The following TEX36 variants were observed in gnomAD, a reference collection of about 807,000 sequenced individuals.
TEX36 encodes the protein testis expressed 36.
A neutral mutation model predicts 13.6 loss-of-function variants in TEX36; 12 were observed. That is an observed-to-expected ratio of 0.88 (90% CI 0.56 to 1.43). TEX36 has a LOEUF of 1.43. Ranked by LOEUF, TEX36 falls within the 40% of genes most tolerant of loss-of-function variation. The pLI, the probability that TEX36 is intolerant of heterozygous loss-of-function variation, is 0.00. For synonymous variants in TEX36, 93 were observed against 83.0 expected (o/e 1.12, Z -0.65); for missense variants, 224 against 228.3 (o/e 0.98, Z 0.12).
chr10:125,650,463 C>T (rs1220556766), intron 3 of TEX36, among the ~76,000 whole-genome samples: 1 of 152,164 alleles, frequency 6.6e-6, no homozygotes, highest in Non-Finnish European at 1.5e-5. Flanking sequence ...AACAAAGACA[C>T]ATCATACCAG....
chr10:125,623,621 C>A (rs1846452362), intron 3 of TEX36, among the ~76,000 whole-genome samples: 2 of 150,960 alleles, frequency 1.3e-5, no homozygotes, highest in South Asian at 2.1e-4. Context: ...CCTGATCAAC[C>A]AAACCCTGCA....
In TEX36 at chr10:125,656,055, C is replaced by T; in HGVS notation, c.406G>A (p.Val136Met). ...QISYVYKEAM[V>M]VSSFRRFPRC... ...GGAAAGCGTCTGAAGCTTGAGACCA[C>T]CATGGCTTCTTTATATACGTATGAT... is the stretch of plus-strand genomic sequence containing the variant. The change falls in exon 4 of 4, where the codon GTG (valine) becomes ATG (methionine). Residue 136 changes from valine to methionine, a missense_variant. Transcript: ENST00000368821. 1 of 1,551,886 alleles carries T rather than the reference C, an allele frequency of 6.4e-7. No homozygotes were observed. Among genetic ancestry groups the T allele is most frequent in the Non-Finnish European group, 8.7e-7 (1 of 1,147,062 alleles).
At chr10:125,594,441 T>C (rs900189111) in intron 3 of TEX36, among the ~76,000 whole-genome samples, 2 of 152,206 alleles carry the variant, frequency 1.3e-5, no homozygotes, top group East Asian at 1.9e-4. Context: ...AGCTCTCATA[T>C]ACTCAGCAAC....
intron 3 of TEX36, among the ~76,000 whole-genome samples, chr10:125,583,264 G>A (rs764586737): frequency 2.0e-5 from 3 of 151,810 alleles, no homozygotes; most frequent in African/African-American, 4.8e-5. Flanking sequence ...CAAAATCCCC[G>A]AGACTGGGTA....
At chr10:125,631,455 C>T (rs796575885) in intron 3 of TEX36, among the ~76,000 whole-genome samples, 1 of 152,024 alleles carries the variant, frequency 6.6e-6, no homozygotes, top group African/African-American at 2.4e-5. Context: ...GTGTCATCGC[C>T]GGAATGAGAG....
intron 3 of TEX36, among the ~76,000 whole-genome samples, chr10:125,631,531 G>A (rs1846554334): frequency 6.6e-6 from 1 of 152,208 alleles, no homozygotes; most frequent in Non-Finnish European, 1.5e-5. Flanking sequence ...GCCAGAGGAG[G>A]ATGCAACTCA....
At chr10:125,616,101 T>A (rs994359627) in intron 3 of TEX36, among the ~76,000 whole-genome samples, 1 of 152,206 alleles carries the variant, frequency 6.6e-6, no homozygotes, top group East Asian at 1.9e-4. Context: ...CTGATGGTAG[T>A]TTGTATTTCT....
At chr10:125,623,612 C>G (rs1846452209) in intron 3 of TEX36, among the ~76,000 whole-genome samples, 1 of 151,630 alleles carries the variant, frequency 6.6e-6, no homozygotes, top group Admixed American at 6.6e-5. Context: ...CTGTTAGTCC[C>G]TGATCAACCA....
intron 3 of TEX36, among the ~76,000 whole-genome samples, chr10:125,605,621 A>C (rs760228362): frequency 6.8e-6 from 1 of 146,704 alleles, no homozygotes; most frequent in Non-Finnish European, 1.5e-5. Flanking sequence ...TTTATTTTTG[A>C]GATGGAGTCT....
At chr10:125,654,694 A>C (rs1846913045), downstream of TEX36, among the ~76,000 whole-genome samples, 1 of 152,244 alleles carries the variant, frequency 6.6e-6, no homozygotes, top group Non-Finnish European at 1.5e-5. Flanking sequence ...ACTCAACTTC[A>C]CTAATAAATA....
At chr10:125,676,246 C>T (rs1601017) in intron 1 of TEX36, among the ~76,000 whole-genome samples, 41 of 152,236 alleles carry the variant, frequency 2.7e-4, no homozygotes, top group African/African-American at 9.6e-4. Context: ...CATTGCAGTC[C>T]ATTTCTTTGG....
downstream of TEX36, among the ~76,000 whole-genome samples, chr10:125,618,098 ATTC>A (rs1440087054): frequency 6.6e-6 from 1 of 150,806 alleles, no homozygotes; most frequent in Non-Finnish European, 1.5e-5. Flanking sequence ...AGGCTTCTGC[ATTC>A]TTCACGTAGT....
At chr10:125,599,883 C>A (rs1472150025) in intron 3 of TEX36, among the ~76,000 whole-genome samples, 2 of 152,158 alleles carry the variant, frequency 1.3e-5, no homozygotes, top group Non-Finnish European at 2.9e-5. Context: ...CAGGCCACCC[C>A]AGCTCTCCTC....
intron 1 of TEX36, among the ~76,000 whole-genome samples, chr10:125,663,848 T>C (rs1847083906): frequency 6.6e-6 from 1 of 152,222 alleles, no homozygotes; most frequent in South Asian, 2.1e-4. Context: ...CATTTCTTTG[T>C]GTTACAAACA....
intron 3 of TEX36, among the ~76,000 whole-genome samples, chr10:125,591,596 G>T (rs530093975): frequency 3.3e-5 from 5 of 152,112 alleles, no homozygotes; most frequent in Non-Finnish European, 7.3e-5. Context: ...CAATACCCTC[G>T]TGTCTGCCAT....
intron 1 of TEX36, among the ~76,000 whole-genome samples, chr10:125,680,881 A>C (rs1167026314): frequency 6.6e-6 from 1 of 152,236 alleles, no homozygotes; most frequent in African/African-American, 2.4e-5. Context: ...AGGATAAAAT[A>C]AAATTTCTTC....
At chr10:125,590,865 A>G (rs1229219940) in intron 3 of TEX36, among the ~76,000 whole-genome samples, 1 of 152,186 alleles carries the variant, frequency 6.6e-6, no homozygotes, top group Non-Finnish European at 1.5e-5. Flanking sequence ...ATATATACAT[A>G]TTATGCAAGC....
chr10:125,607,576 G>T (rs9422897), intron 3 of TEX36, among the ~76,000 whole-genome samples: 13,755 of 152,140 alleles, frequency 0.09, 805 homozygotes, highest in South Asian at 0.24. Flanking sequence ...GAATATTGTT[G>T]AACCACTGAG....
At chr10:125,651,160 A>C (rs1421847012), downstream of TEX36, among the ~76,000 whole-genome samples, 1 of 152,238 alleles carries the variant, frequency 6.6e-6, no homozygotes, top group Non-Finnish European at 1.5e-5. Context: ...GGCCAACATC[A>C]TCATAATACC....
Sources: gnomAD v4.1 joint callset for allele counts (sites outside exome capture counted in the v4.1 genomes callset) on GRCh38, gnomAD v4.1.1 for gene constraint, MANE v1.5 for transcripts, NCBI Gene and HGNC (gene_info 2026-07-23, HGNC 2026-07-21) for gene names.